Variants in CNTNAP4 observed in about 807,000 individuals in gnomAD.
CNTNAP4 encodes contactin-associated protein-like 4.
CNTNAP4 carries 98 observed loss-of-function variants against 148.4 expected under a neutral mutation model. That is an observed-to-expected ratio of 0.66 (90% CI 0.56 to 0.78). The LOEUF (loss-of-function observed/expected upper bound fraction) is 0.78, where lower values mean the gene tolerates loss of function less well. CNTNAP4 is among the 30% of genes least tolerant of loss of function. CNTNAP4 has a pLI of 0.00. For missense variants in CNTNAP4, 1,935 were observed against 1,565.6 expected (o/e 1.24, Z -3.98); for synonymous variants, 730 against 565.1 (o/e 1.29, Z -4.14).
intron 2 of CNTNAP4, among the ~76,000 whole-genome samples, chr16:76,341,999 G>T (rs1173101267): frequency 6.6e-6 from 1 of 152,164 alleles, no homozygotes. Flanking sequence ...TTGCTGATGA[G>T]TTTTCTCTCA....
At chr16:76,376,907 TTGTGTG>T (rs5817987) in intron 3 of CNTNAP4, among the ~76,000 whole-genome samples, 1,698 of 143,528 alleles carry the variant, frequency 0.012, 21 homozygotes, top group African/African-American at 0.034. Flanking sequence ...CTAACAAGGT[TTGTGTG>T]TGTGTGTGTG....
chr16:76,300,033 T>G (rs1026270249), intron 1 of CNTNAP4, among the ~76,000 whole-genome samples: 5 of 151,696 alleles, frequency 3.3e-5, no homozygotes, highest in African/African-American at 1.2e-4. Context: ...TTAGGAGATA[T>G]GCCTAATGTT....
intron 3 of CNTNAP4, among the ~76,000 whole-genome samples, chr16:76,411,133 G>T (rs927395248): frequency 6.6e-6 from 1 of 151,412 alleles, no homozygotes; most frequent in Non-Finnish European, 1.5e-5. Context: ...CTATGAAACA[G>T]TAAGGGCTGA....
In CNTNAP4 at chr16:76,437,897, G is replaced by A. The variant is rs542080000; in HGVS notation, c.539-10115G>A. Among the ~76,000 whole-genome samples, 212 of 152,252 alleles carry A rather than the reference G, an allele frequency of 1.4e-3. 1 individual carries two copies. Among genetic ancestry groups the A allele is most frequent in the African/African-American group, 4.6e-3 (193 of 41,548 alleles). On this transcript the variant is annotated intron_variant, in intron 4 of 23. Coordinates refer to ENST00000611870, the MANE Select transcript of CNTNAP4 (RefSeq NM_033401.5). Reference sequence around the variant, plus strand: ...TCAGTTTTTCAGTATCAGTCATGGCGTTGTAGCTTTTATTGGACTAAGCTG... The same window carrying A: ...TCAGTTTTTCAGTATCAGTCATGGCATTGTAGCTTTTATTGGACTAAGCTG...
Position 76,448,795 on chromosome 16 carries a change from C to T in CNTNAP4, c.771C>T (p.Thr257=). Residue 257 remains threonine (T), a synonymous_variant, in exon 6 of 24, where the codon ACC becomes ACT. Coordinates refer to ENST00000611870, the MANE Select transcript of CNTNAP4 (RefSeq NM_033401.5). ...AAGCTAAACTGCCTTCCACTTCCACCCTGGTCAATCTCACCCTGGGCAGCC... is the reference window on the plus strand; with the variant it reads ...AAGCTAAACTGCCTTCCACTTCCACTCTGGTCAATCTCACCCTGGGCAGCC... ...SGEAKLPSTS[T]LVNLTLGSLL... 3 of 1,610,510 alleles carry T rather than the reference C, an allele frequency of 1.9e-6. No individual in the cohort carries two copies. The highest frequency in any genetic ancestry group is 2.5e-6 in the Non-Finnish European group (3 of 1,178,506).
intron 15 of CNTNAP4, among the ~76,000 whole-genome samples, chr16:76,501,034 C>G (rs547359970): frequency 9.9e-4 from 150 of 152,182 alleles, no homozygotes; most frequent in Middle Eastern, 3.4e-3. Flanking sequence ...AGACACAGAG[C>G]AGAAGTTGCT....
chr16:76,291,521 C>T (rs1249895305), intron 1 of CNTNAP4, among the ~76,000 whole-genome samples: 1 of 152,112 alleles, frequency 6.6e-6, no homozygotes, highest in East Asian at 1.9e-4. Flanking sequence ...TTCCAAAGTA[C>T]TTTCTTCTGT....
intron 9 of CNTNAP4, among the ~76,000 whole-genome samples, chr16:76,462,693 A>G (rs1211324552): frequency 6.6e-6 from 1 of 152,184 alleles, no homozygotes; most frequent in East Asian, 1.9e-4. Flanking sequence ...TGTTTGTTTG[A>G]ACTAAAAGCC....
chr16:76,521,752 A>G (rs972913827), intron 16 of CNTNAP4, among the ~76,000 whole-genome samples: 2 of 152,176 alleles, frequency 1.3e-5, no homozygotes, highest in African/African-American at 4.8e-5. Flanking sequence ...TGCCTTGGAT[A>G]AATAGCTTTA....
chr16:76,518,334 T>G (rs2008006), intron 15 of CNTNAP4, among the ~76,000 whole-genome samples: 98,638 of 151,626 alleles, frequency 0.65, 32,875 homozygotes, highest in African/African-American at 0.81. Flanking sequence ...CACCATGTTG[T>G]TCAGACTGGT....
At chr16:76,476,634 G>T (rs2081593321) in intron 11 of CNTNAP4, among the ~76,000 whole-genome samples, 1 of 152,160 alleles carries the variant, frequency 6.6e-6, no homozygotes, top group South Asian at 2.1e-4. Flanking sequence ...TTAGGTGAGG[G>T]TGTGCTTCCT....
At chr16:76,495,953 A>C (rs2082386190) in intron 14 of CNTNAP4, among the ~76,000 whole-genome samples, 1 of 152,032 alleles carries the variant, frequency 6.6e-6, no homozygotes, top group Admixed American at 6.6e-5. Context: ...AAATCCCATC[A>C]CATCAACTAA....
intron 17 of CNTNAP4, among the ~76,000 whole-genome samples, chr16:76,527,775 T>A (rs1188837774): frequency 6.6e-6 from 1 of 152,204 alleles, no homozygotes; most frequent in Non-Finnish European, 1.5e-5. Context: ...ATTATAGATT[T>A]GTTCATTTGC....
At chr16:76,437,918 A>T (rs1331990535) in intron 4 of CNTNAP4, among the ~76,000 whole-genome samples, 1 of 152,158 alleles carries the variant, frequency 6.6e-6, no homozygotes, top group African/African-American at 2.4e-5. Flanking sequence ...TATTGGACTA[A>T]GCTGCTGTCC....
chr16:76,541,989 T>G (rs1289912170), intron 21 of CNTNAP4, among the ~76,000 whole-genome samples: 1 of 152,220 alleles, frequency 6.6e-6, no homozygotes, highest in Admixed American at 6.5e-5. Flanking sequence ...GCTCTAAGAA[T>G]ATGTATATAG....
intron 4 of CNTNAP4, among the ~76,000 whole-genome samples, chr16:76,443,775 A>G (rs923292724): frequency 3.3e-5 from 5 of 152,144 alleles, no homozygotes; most frequent in African/African-American, 1.2e-4. Context: ...ACAAAGACAT[A>G]TTGCTATGAA....
At chr16:76,329,667 T>C (rs1444958839) in intron 2 of CNTNAP4, among the ~76,000 whole-genome samples, 2 of 152,228 alleles carry the variant, frequency 1.3e-5, no homozygotes, top group African/African-American at 4.8e-5. Flanking sequence ...TAAAACCACA[T>C]TTAAGTGACG....
intron 1 of CNTNAP4, among the ~76,000 whole-genome samples, chr16:76,302,085 T>A (rs1176624912): frequency 6.6e-6 from 1 of 152,042 alleles, no homozygotes; most frequent in Non-Finnish European, 1.5e-5. Context: ...ACCATTACCA[T>A]GGTGACTTAG....
intron 1 of CNTNAP4, among the ~76,000 whole-genome samples, chr16:76,312,398 T>C (rs973050338): frequency 4.6e-5 from 7 of 152,186 alleles, no homozygotes; most frequent in Admixed American, 2.0e-4. Flanking sequence ...CTGTGTTTTA[T>C]TGGTGCAGTC....
Sources: gnomAD v4.1 joint callset for allele counts (sites outside exome capture counted in the v4.1 genomes callset) on GRCh38, gnomAD v4.1.1 for gene constraint, MANE v1.5 for transcripts, NCBI Gene and HGNC (gene_info 2026-07-23, HGNC 2026-07-21) for gene names.